CDIP1: variants seen among roughly 807,000 people sequenced by gnomAD.
CDIP1 encodes the protein cell death-inducing p53-target protein 1.
Under a neutral mutation model 17.7 loss-of-function variants are expected in CDIP1, and 9 were observed. The ratio of observed to expected loss-of-function variants is 0.51; its 90% CI spans 0.31 to 0.89. The LOEUF is 0.89. Ranked by LOEUF, CDIP1 falls within the 40% of genes least tolerant of loss-of-function variation. The probability of loss-of-function intolerance (pLI) is 0.05; values close to 1 mark genes in which losing one functional copy is unlikely to be tolerated. For synonymous variants in CDIP1, 117 were observed against 109.5 expected (o/e 1.07, Z -0.43); for missense variants, 263 against 277.9 (o/e 0.95, Z 0.38).
At chr16:4,518,755 C>T (rs369304891) in intron 1 of CDIP1, among the ~76,000 whole-genome samples, 23 of 152,322 alleles carry the variant, frequency 1.5e-4, no homozygotes, top group African/African-American at 5.3e-4. Context: ...GTAATAAAAA[C>T]TACAAGAATA....
chr16:4,524,178 T>A (rs1056531273), intron 1 of CDIP1: 1 of 152,236 alleles, frequency 6.6e-6, no homozygotes, highest in Non-Finnish European at 1.5e-5. Flanking sequence ...AAAATGAGGT[T>A]CTTGGAAGGC....
chr16:4,513,994 C>A lies in CDIP1; in HGVS notation c.85+52G>T. On this transcript the variant is annotated intron_variant, in intron 3 of 5. Transcript: ENST00000567695. The surrounding 1 kb of genome is among the most constrained non-coding windows in gnomAD (Gnocchi z 4.1). ...CACCACTTAGAGAGTCCCAACCATG[C>A]CATGGCGGCAGGGGGCTGCAATATG... The A allele has an allele frequency of 7.4e-7, 1 of 1,355,408 alleles. No individual in the cohort carries two copies. Among genetic ancestry groups the A allele is most frequent in the South Asian group, 1.4e-5 (1 of 69,018 alleles). 84.0% of individuals were successfully genotyped at this position (1,355,408 alleles called of 1,614,324 possible).
rs192918211 is a variant in CDIP1, at chr16:4,519,070, A to T, written c.-104-4406T>A. On this transcript the variant is annotated intron_variant, in intron 1 of 5. Coordinates refer to ENST00000567695, the MANE Select transcript of CDIP1 (RefSeq NM_013399.3). ...TGGATTTATTAATTGCAAACAAAAT[A>T]GGTGCCTGTTTGAAAATCTTTACAA... is the stretch of plus-strand genomic sequence containing the variant. Among the ~76,000 whole-genome samples, 84 of 152,336 alleles carry T rather than the reference A, an allele frequency of 5.5e-4. No individual in the cohort carries two copies. The East Asian group carries it at 0.011, about 20-fold the overall frequency.
At chr16:4,519,030 T>G (rs115795441) in intron 1 of CDIP1, among the ~76,000 whole-genome samples, 1,659 of 152,292 alleles carry the variant, frequency 0.011, 34 homozygotes, top group African/African-American at 0.038. Flanking sequence ...TTCTTGGCCT[T>G]CTTGCTTTAA....
chr16:4,514,199 T>C lies in CDIP1; in HGVS notation c.-14-55A>G. ...ACTAAGCTCCCAGCCAGGTTCCTTC[T>C]CCTTCAGCCCTGTGGGGTGGCCAAG... is the stretch of plus-strand genomic sequence containing the variant. On this transcript the variant is annotated intron_variant, in intron 2 of 5. Coordinates refer to ENST00000567695, the MANE Select transcript of CDIP1 (RefSeq NM_013399.3). This position sits in a 1 kb window ranked among gnomAD's most constrained non-coding sequence, Gnocchi z 5.2. The C allele has an allele frequency of 9.4e-7, 1 of 1,067,082 alleles. No individual in the cohort carries two copies. The highest frequency in any genetic ancestry group is 1.3e-6 in the Non-Finnish European group (1 of 746,414). 66.1% of individuals were successfully genotyped at this position (1,067,082 alleles called of 1,614,324 possible). A position where few individuals can be genotyped will look rare whatever the true frequency, so the allele number is the denominator to read the frequency against.
At chr16:4,518,004 G>A (rs887152895) in intron 1 of CDIP1, among the ~76,000 whole-genome samples, 1 of 152,232 alleles carries the variant, frequency 6.6e-6, no homozygotes, top group Admixed American at 6.5e-5. Flanking sequence ...CGTCCACCAA[G>A]TGGCCCAACA....
At chr16:4,529,391 C>CCTCCCAACT (rs1043414469) in intron 1 of CDIP1, among the ~76,000 whole-genome samples, 2 of 152,200 alleles carry the variant, frequency 1.3e-5, no homozygotes, top group Admixed American at 6.5e-5. Context: ...ACAGCCCCGG[C>CCTCCCAACT]CTCCCAACTC....
At chr16:4,515,323 T>G (rs769084101) in intron 1 of CDIP1, among the ~76,000 whole-genome samples, 1 of 152,178 alleles carries the variant, frequency 6.6e-6, no homozygotes, top group Non-Finnish European at 1.5e-5. Flanking sequence ...TGGGTTCAAC[T>G]ATAAAGTACC....
chr16:4,527,708 A>C (rs2059014225), intron 1 of CDIP1, among the ~76,000 whole-genome samples: 1 of 152,218 alleles, frequency 6.6e-6, no homozygotes, highest in Non-Finnish European at 1.5e-5. Flanking sequence ...TTCACAGGCA[A>C]AGATGTTTAT....
Position 4,512,913 on chromosome 16 carries a change from C to A in CDIP1, c.393G>T (p.Glu131Asp). 6.3e-7 allele frequency: 1 copy of A among 1,575,208 alleles called. No homozygotes were observed. The highest frequency in any genetic ancestry group is 2.3e-5 in the East Asian group (1 of 43,408). The change falls in exon 5 of 6, where the codon GAG becomes GAT. Residue 131 changes from glutamate (E) to aspartate (D), a missense_variant. By Grantham distance (45) the Glu-to-Asp change is conservative (BLOSUM62 2). Coordinates refer to ENST00000567695, the MANE Select transcript of CDIP1 (RefSeq NM_013399.3). The surrounding 1 kb of genome is among the most constrained non-coding windows in gnomAD (Gnocchi z 4.6). Reference sequence around the variant, plus strand: ...TCTGCACAGGCGCTCCCTCAAAGATCTCTCCCTGCAGCACTGTCACCGTGG... The same window carrying A: ...TCTGCACAGGCGCTCCCTCAAAGATATCTCCCTGCAGCACTGTCACCGTGG... ...AATTVTVLQGEIFEGAPVQTV... is the reference protein window; with the variant it reads ...AATTVTVLQGDIFEGAPVQTV...
intron 1 of CDIP1, among the ~76,000 whole-genome samples, chr16:4,516,698 C>CTTTTTTTTTT (rs767463500): frequency 5.1e-5 from 4 of 78,054 alleles, no homozygotes; most frequent in African/African-American, 5.2e-5. Flanking sequence ...GTTTTAAATC[C>CTTTTTTTTTT]TTTTTTTTTT....
In CDIP1 at chr16:4,521,003, G is replaced by A. The variant is rs1007236959; in HGVS notation, c.-104-6339C>T. 3.9e-5 allele frequency among the ~76,000 whole-genome samples: 6 copies of A among 152,120 alleles called. No individual in the cohort carries two copies. In the East Asian group the frequency reaches 9.6e-4, roughly 24 times the overall value. ...ACATACTTCATGTGTGCCTCATTTC[G>A]TCACAAAGGATCTTAAAAAGCTGTG... On this transcript the variant is annotated intron_variant, in intron 1 of 5. Coordinates refer to ENST00000567695, the MANE Select transcript of CDIP1 (RefSeq NM_013399.3).
chr16:4,515,789 TAC>T (rs1301286088), intron 1 of CDIP1, among the ~76,000 whole-genome samples: 3 of 152,180 alleles, frequency 2.0e-5, no homozygotes, highest in Non-Finnish European at 1.5e-5. Flanking sequence ...GGAACCCTCA[TAC>T]ACTGCTGGTA....
At chr16:4,538,249 G>C (rs1036026917) in intron 1 of CDIP1, 1 of 152,106 alleles carries the variant, frequency 6.6e-6, no homozygotes, top group African/African-American at 2.4e-5. Flanking sequence ...CCCCAGGGCC[G>C]CGCTAGGTCT....
intron 1 of CDIP1, among the ~76,000 whole-genome samples, chr16:4,531,393 C>T (rs1200818226): frequency 6.6e-6 from 1 of 151,952 alleles, no homozygotes; most frequent in Non-Finnish European, 1.5e-5. Flanking sequence ...CTCCTGACCT[C>T]AAGTGATCCT....
chr16:4,528,290 G>A (rs1169919211), intron 1 of CDIP1, among the ~76,000 whole-genome samples: 1 of 152,118 alleles, frequency 6.6e-6, no homozygotes, highest in African/African-American at 2.4e-5. Context: ...TATTGCCCAG[G>A]CAGGTCTCGA....
rs1484088901 is a variant in CDIP1 at position 4,519,963 on chromosome 16, C to T, written c.-104-5299G>A. Among the ~76,000 whole-genome samples the T allele has an allele frequency of 2.0e-5, 3 of 152,108 alleles. No individual in the cohort carries two copies. The East Asian group carries it at 5.8e-4, about 29-fold the overall frequency. On this transcript the variant is annotated intron_variant, in intron 1 of 5. Transcript: ENST00000567695. ...CTCTTTTCTTTATAAATTACTCAGC[C>T]TCAGGTAATTTATAGCAACACAAAT...
At chr16:4,517,709 C>T (rs2058902325) in intron 1 of CDIP1, among the ~76,000 whole-genome samples, 1 of 151,694 alleles carries the variant, frequency 6.6e-6, no homozygotes, top group African/African-American at 2.4e-5. Context: ...CCACTGCACT[C>T]TAGCCTGGGC....
chr16:4,536,231 G>A, intron 1 of CDIP1, among the ~76,000 whole-genome samples: 1 of 152,182 alleles, frequency 6.6e-6, no homozygotes, highest in East Asian at 1.9e-4. Context: ...AATTTTCACA[G>A]GGCCTATCTT....
Sources: gnomAD v4.1 joint callset for allele counts (sites outside exome capture counted in the v4.1 genomes callset) on GRCh38, gnomAD v4.1.1 for gene constraint, Gnocchi (gnomAD v3.1) non-coding constraint, MANE v1.5 for transcripts, NCBI Gene and HGNC (gene_info 2026-07-23, HGNC 2026-07-21) for gene names.